The following ZNF469 variants were observed in gnomAD, a reference collection of about 807,000 sequenced individuals.
ZNF469 encodes the protein zinc finger protein 469.
A neutral mutation model predicts 1.0 loss-of-function variants in ZNF469; 1 was observed. The ratio of observed to expected loss-of-function variants is 1.00; its 90% confidence interval spans 0.35 to 4.73. The LOEUF (loss-of-function observed/expected upper bound fraction) is 4.73. ZNF469 is among the 30% of genes most tolerant of loss of function. The probability of loss-of-function intolerance (pLI) is 0.16; values close to 1 mark genes in which losing one functional copy is unlikely to be tolerated. For missense variants in ZNF469, 6,100 were observed against 5,356.3 expected, an observed-to-expected ratio of 1.14 and a Z score of -4.33; for synonymous variants, 2,703 against 2,363.4, an observed-to-expected ratio of 1.14 and a Z score of -4.17.
the ZNF469 span, among the ~76,000 whole-genome samples, chr16:88,148,021 T>C: frequency 1.3e-5 from 2 of 151,632 alleles, no homozygotes; most frequent in Admixed American, 6.5e-5. Context: ...TCCTTCGTCG[T>C]TGTGTGTACG....
At chr16:88,394,266 C>T (rs545744628) in intron 1 of ZNF469, among the ~76,000 whole-genome samples, 1 of 147,432 alleles carries the variant, frequency 6.8e-6, no homozygotes, top group African/African-American at 2.5e-5. Flanking sequence ...TCTACACCTG[C>T]GCTGCCTGAG....
chr16:88,322,902 AGAC>A, the ZNF469 span, among the ~76,000 whole-genome samples: 16,545 of 152,198 alleles, frequency 0.11, 998 homozygotes, highest in South Asian at 0.21. Flanking sequence ...GGAGGCAAGG[AGAC>A]GAGCTCAGGA....
the ZNF469 span, among the ~76,000 whole-genome samples, chr16:88,147,290 C>G: frequency 2.0e-5 from 3 of 152,086 alleles, no homozygotes; most frequent in Admixed American, 2.0e-4. Flanking sequence ...GAGCAGCCAG[C>G]CTGCCCGTGC....
chr16:88,224,799 A>C, the ZNF469 span, among the ~76,000 whole-genome samples: 1 of 152,198 alleles, frequency 6.6e-6, no homozygotes, highest in East Asian at 1.9e-4. Context: ...GTGTGTGCAC[A>C]CACATGTGCC....
the ZNF469 span, among the ~76,000 whole-genome samples, chr16:88,190,967 A>AT: frequency 1.3e-5 from 2 of 151,914 alleles, no homozygotes; most frequent in South Asian, 2.1e-4. Context: ...GAGAGACTAG[A>AT]TGTGTGTGGT....
At chr16:88,127,336 G>T in the ZNF469 span, among the ~76,000 whole-genome samples, 1 of 152,130 alleles carries the variant, frequency 6.6e-6, no homozygotes, top group Non-Finnish European at 1.5e-5. Flanking sequence ...ATGTCTAATA[G>T]AATTCAGCAA....
chr16:88,374,391 C>G, the ZNF469 span, among the ~76,000 whole-genome samples: 1 of 152,092 alleles, frequency 6.6e-6, no homozygotes, highest in African/African-American at 2.4e-5. Flanking sequence ...GAGTGAGGTG[C>G]GGGAGACTAG....
At chr16:88,214,892 A>AT in the ZNF469 span, among the ~76,000 whole-genome samples, 62 of 151,446 alleles carry the variant, frequency 4.1e-4, no homozygotes, top group South Asian at 6.3e-4. Context: ...TTTTCTCTTG[A>AT]TTTTTTTTTG....
At chr16:88,381,832 G>C (rs1288223326), upstream of ZNF469, among the ~76,000 whole-genome samples, 1 of 152,258 alleles carries the variant, frequency 6.6e-6, no homozygotes, top group Non-Finnish European at 1.5e-5. Context: ...CGTTCGCAGA[G>C]TCCCAAAACA....
the ZNF469 span, among the ~76,000 whole-genome samples, chr16:88,304,241 C>T: frequency 1.5e-4 from 23 of 152,286 alleles, no homozygotes; most frequent in African/African-American, 1.7e-4. Context: ...ACGGATGCCC[C>T]GACAGCCCAG....
intron 1 of ZNF469, among the ~76,000 whole-genome samples, chr16:88,407,328 G>A (rs913889512): frequency 2.3e-5 from 3 of 131,590 alleles, no homozygotes; most frequent in Admixed American, 7.3e-5. Flanking sequence ...GCTGGGAGCC[G>A]GCATCATGGC....
chr16:88,397,655 G>GAGATAGATAGAT (rs143095907), intron 1 of ZNF469, among the ~76,000 whole-genome samples: 10,923 of 134,718 alleles, frequency 0.081, 433 homozygotes, highest in Admixed American at 0.1. Flanking sequence ...ATATAAATAA[G>GAGATAGATAGAT]AGATAGATAG....
At chr16:88,188,292 A>G in the ZNF469 span, among the ~76,000 whole-genome samples, 1 of 151,962 alleles carries the variant, frequency 6.6e-6, no homozygotes, top group Admixed American at 6.5e-5. Flanking sequence ...GCACCCGTGT[A>G]ACTGTGCATC....
rs916538635 is a variant in ZNF469 at position 88,429,471 on chromosome 16, G to A, written c.2001G>A (p.Lys667=). 4.5e-6 allele frequency: 6 copies of A among 1,324,674 alleles called. No homozygotes were observed. The African/African-American group carries it at 9.3e-5, about 21-fold the overall frequency. 82.1% of individuals were successfully genotyped at this position (1,324,674 alleles called of 1,614,324 possible). The change falls in exon 3 of 3, where the codon AAG becomes AAA. Residue 667 remains lysine, a synonymous_variant. Coordinates refer to ENST00000565624, the MANE Select transcript of ZNF469 (RefSeq NM_001367624.2). ...LPTHYQPEPA[K]AFPFPADGLG... is the part of the protein sequence containing the mutation. ...CCCACTACCAGCCAGAGCCAGCCAA[G>A]GCCTTCCCTTTTCCCGCAGATGGGC... is the stretch of plus-strand genomic sequence containing the variant.
the ZNF469 span, among the ~76,000 whole-genome samples, chr16:88,124,812 G>A: frequency 1.8e-4 from 28 of 152,084 alleles, no homozygotes; most frequent in East Asian, 5.1e-3. Context: ...TTGATCTCCC[G>A]ACCTCAGGTG....
the ZNF469 span, among the ~76,000 whole-genome samples, chr16:88,153,716 C>T: frequency 3.9e-5 from 6 of 152,250 alleles, no homozygotes; most frequent in Non-Finnish European, 8.8e-5. Context: ...GCTGCAAGTC[C>T]AAGGTCAAGG....
chr16:88,101,731 A>G, the ZNF469 span, among the ~76,000 whole-genome samples: 1 of 152,246 alleles, frequency 6.6e-6, no homozygotes, highest in East Asian at 1.9e-4. Flanking sequence ...TTTCATTTGA[A>G]CACGTTTCAG....
At chr16:88,237,475 C>T in the ZNF469 span, among the ~76,000 whole-genome samples, 1 of 119,276 alleles carries the variant, frequency 8.4e-6, no homozygotes, top group Non-Finnish European at 1.9e-5. Flanking sequence ...CCTCCCTGCC[C>T]TCCGTGCTCC....
the ZNF469 span, among the ~76,000 whole-genome samples, chr16:88,296,907 G>A: frequency 0.57 from 86,163 of 152,128 alleles, 25,099 homozygotes; most frequent in East Asian, 0.77. Context: ...GGTGCAGCAC[G>A]TTGGATGCAG....
Sources: gnomAD v4.1 joint callset for allele counts (sites outside exome capture counted in the v4.1 genomes callset) on GRCh38, gnomAD v4.1.1 for gene constraint, MANE v1.5 for transcripts, NCBI Gene and HGNC (gene_info 2026-07-23, HGNC 2026-07-21) for gene names.